GNAL: variants seen among roughly 807,000 people sequenced by gnomAD.
The protein encoded by GNAL is G protein subunit alpha L.
Under a neutral mutation model 55.1 loss-of-function variants are expected in GNAL, and 18 were observed. The ratio of observed to expected loss-of-function variants is 0.33; its 90% confidence interval spans 0.23 to 0.48. GNAL has a LOEUF of 0.48. Among genes scored for constraint, GNAL ranks in the 20% least tolerant of loss-of-function variants. The pLI is 0.99. For missense variants in GNAL, 412 were observed against 614.1 expected (o/e 0.67, Z 3.48); for synonymous variants, 253 against 237.0 (o/e 1.07, Z -0.62).
chr18:11,829,910 T>C (rs2035339854), intron 5 of GNAL, among the ~76,000 whole-genome samples: 1 of 152,210 alleles, frequency 6.6e-6, no homozygotes, highest in Non-Finnish European at 1.5e-5. Context: ...CTCAGGAAGC[T>C]GAGGCAGGAG....
At chr18:11,850,227 A>G (rs372628506) in intron 5 of GNAL, among the ~76,000 whole-genome samples, 31 of 152,340 alleles carry the variant, frequency 2.0e-4, no homozygotes, top group Admixed American at 5.2e-4. Flanking sequence ...AAGACGAGCC[A>G]GCATGCTGCA....
At chr18:11,824,486 G>A (rs375617686) in intron 4 of GNAL, among the ~76,000 whole-genome samples, 3 of 151,932 alleles carry the variant, frequency 2.0e-5, no homozygotes, top group South Asian at 4.2e-4. Flanking sequence ...TCAGGAGTTC[G>A]AGACCAGCCT....
rs572492398 is a variant in GNAL, at chr18:11,692,622, TA to T, written c.376+2693del. ...CCACATATTTTTCTGGAAGGAAACT[TA>T]AAAAAAAAATAGAGACACAGCGGTG... is the stretch of plus-strand genomic sequence containing the variant. On this transcript the variant is annotated intron_variant, in intron 1 of 11. Transcript: ENST00000334049. Among the ~76,000 whole-genome samples the T allele has an allele frequency of 8.8e-3, 1,313 of 149,058 alleles. 17 individuals carry two copies. Among genetic ancestry groups the T allele is most frequent in the Admixed American group, 0.031 (469 of 14,964 alleles).
At chr18:11,790,020 G>C (rs575929506) in intron 4 of GNAL, among the ~76,000 whole-genome samples, 1 of 152,230 alleles carries the variant, frequency 6.6e-6, no homozygotes, top group African/African-American at 2.4e-5. Flanking sequence ...TGAGAAGAAA[G>C]TTCCAGGAAG....
At chr18:11,747,647 TA>T (rs2032719309) in intron 1 of GNAL, 1 of 142,840 alleles carries the variant, frequency 7.0e-6, no homozygotes, top group African/African-American at 2.7e-5. Context: ...TGGGGATGGA[TA>T]GGGGGGCAAG....
At chr18:11,768,621 G>A (rs1454221101) in intron 4 of GNAL, among the ~76,000 whole-genome samples, 14 of 147,932 alleles carry the variant, frequency 9.5e-5, no homozygotes, top group Admixed American at 8.8e-4. Flanking sequence ...AAGGCCAGGC[G>A]CAGTGGCTCA....
intron 5 of GNAL, among the ~76,000 whole-genome samples, chr18:11,845,827 G>A (rs1212965322): frequency 6.6e-6 from 1 of 151,906 alleles, no homozygotes; most frequent in Non-Finnish European, 1.5e-5. Flanking sequence ...GACAGAGAGA[G>A]AAGGGGCCCA....
Position 11,877,888 on chromosome 18 carries a change from G to A in GNAL, c.1230+1200G>A, listed in dbSNP as rs150120716. Among the ~76,000 whole-genome samples the A allele has an allele frequency of 3.3e-3, 485 of 148,382 alleles. 3 individuals are homozygous for A. The highest frequency in any genetic ancestry group is 0.011 in the African/African-American group (459 of 40,038). On this transcript the variant is annotated intron_variant, in intron 11 of 11. Coordinates refer to ENST00000334049, the MANE Select transcript of GNAL (RefSeq NM_182978.4). Reference sequence around the variant, plus strand: ...AGAGTTCCCCCAGAAGTGCATGGCCGTAAGTGCATGGCAATACCCAGAGAG... The same window carrying A: ...AGAGTTCCCCCAGAAGTGCATGGCCATAAGTGCATGGCAATACCCAGAGAG...
intron 1 of GNAL, among the ~76,000 whole-genome samples, chr18:11,742,635 T>C (rs573369979): frequency 2.0e-5 from 3 of 152,368 alleles, no homozygotes; most frequent in African/African-American, 7.2e-5. Context: ...TCTGCCAACC[T>C]GCCTCCTGGG....
At chr18:11,702,819 T>A (rs1204079798) in intron 1 of GNAL, among the ~76,000 whole-genome samples, 2 of 144,062 alleles carry the variant, frequency 1.4e-5, no homozygotes, top group South Asian at 2.3e-4. Flanking sequence ...CCTTCCCACT[T>A]AAAAAAAAAA....
At chr18:11,805,467 C>T (rs372382642) in intron 4 of GNAL, among the ~76,000 whole-genome samples, 10 of 152,030 alleles carry the variant, frequency 6.6e-5, no homozygotes, top group African/African-American at 1.5e-4. Flanking sequence ...AAATAATGTA[C>T]GTTGTACCCA....
chr18:11,823,972 CATA>C (rs1383029429), intron 4 of GNAL, among the ~76,000 whole-genome samples: 1 of 152,062 alleles, frequency 6.6e-6, no homozygotes, highest in Non-Finnish European at 1.5e-5. Context: ...TCTTGCTTGC[CATA>C]ATAATAGGTG....
intron 1 of GNAL, among the ~76,000 whole-genome samples, chr18:11,698,507 A>T (rs1274710603): frequency 6.6e-6 from 1 of 151,384 alleles, no homozygotes; most frequent in East Asian, 2.0e-4. Context: ...AAAAAAAAAA[A>T]ATAGAGGGCT....
At chr18:11,804,636 G>A (rs2034604375) in intron 4 of GNAL, among the ~76,000 whole-genome samples, 1 of 64,898 alleles carries the variant, frequency 1.5e-5, no homozygotes, top group Non-Finnish European at 2.8e-5. Flanking sequence ...GGTTTGGATG[G>A]AACACGGAGA....
chr18:11,873,869 G>A (rs2036457944), intron 10 of GNAL, among the ~76,000 whole-genome samples: 1 of 152,152 alleles, frequency 6.6e-6, no homozygotes, highest in Non-Finnish European at 1.5e-5. Context: ...TTCCAACAGG[G>A]TCTGCCTCCC....
At chr18:11,833,334 A>G (rs1304277434) in intron 5 of GNAL, among the ~76,000 whole-genome samples, 1 of 152,122 alleles carries the variant, frequency 6.6e-6, no homozygotes, top group Non-Finnish European at 1.5e-5. Context: ...CCCGCCTCTC[A>G]GATTTGTTTT....
intron 9 of GNAL, among the ~76,000 whole-genome samples, chr18:11,869,361 T>C (rs931461819): frequency 6.6e-6 from 1 of 152,154 alleles, no homozygotes; most frequent in East Asian, 1.9e-4. Context: ...GCCAGGATGG[T>C]CTTGATCTCC....
intron 4 of GNAL, among the ~76,000 whole-genome samples, chr18:11,768,911 T>C (rs1317743612): frequency 1.5e-5 from 2 of 131,758 alleles, no homozygotes; most frequent in Admixed American, 8.6e-5. Context: ...AAAAAAAATA[T>C]ATATATAACA....
intron 4 of GNAL, among the ~76,000 whole-genome samples, chr18:11,792,313 G>A (rs1017545567): frequency 6.6e-6 from 1 of 152,116 alleles, no homozygotes; most frequent in African/African-American, 2.4e-5. Context: ...AGCCTCCCGA[G>A]TAGCTGGGAC....
Sources: gnomAD v4.1 joint callset for allele counts (sites outside exome capture counted in the v4.1 genomes callset) on GRCh38, gnomAD v4.1.1 for gene constraint, MANE v1.5 for transcripts, NCBI Gene and HGNC (gene_info 2026-07-23, HGNC 2026-07-21) for gene names.